The following DAB2IP variants were observed in gnomAD, a reference collection of about 807,000 sequenced individuals.
DAB2IP encodes the protein disabled homolog 2-interacting protein.
DAB2IP carries 28 observed loss-of-function variants against 107.2 expected under a neutral mutation model. That is an observed-to-expected ratio of 0.26 (90% CI 0.19 to 0.36). The LOEUF (loss-of-function observed/expected upper bound fraction) is 0.36. Among genes scored for constraint, DAB2IP ranks in the 10% least tolerant of loss-of-function variants. The pLI, the probability that DAB2IP is intolerant of heterozygous loss-of-function variation, is 1.00. For synonymous variants in DAB2IP, 755 were observed against 706.4 expected, an observed-to-expected ratio of 1.07 and a Z score of -1.09; for missense variants, 1,400 against 1,644.7, an observed-to-expected ratio of 0.85 and a Z score of 2.57.
chr9:121,754,467 A>G (rs1028028125), intron 3 of DAB2IP, among the ~76,000 whole-genome samples: 2 of 152,078 alleles, frequency 1.3e-5, no homozygotes, highest in African/African-American at 4.8e-5. Flanking sequence ...TCTTCCTCCC[A>G]GAGAGCTTGG....
At chr9:121,641,995 T>TTCTCTCTCTCTCTCTCTCTCTCTC (rs71370683) in intron 1 of DAB2IP, among the ~76,000 whole-genome samples, 4 of 35,010 alleles carry the variant, frequency 1.1e-4, no homozygotes, top group East Asian at 9.3e-4. Context: ...TTTCTTTCCT[T>TTCTCTCTCTCTCTCTCTCTCTCTC]TCTCTCTCTC....
intron 1 of DAB2IP, among the ~76,000 whole-genome samples, chr9:121,661,441 G>A (rs553284091): frequency 1.6e-4 from 24 of 152,232 alleles, no homozygotes; most frequent in Non-Finnish European, 2.9e-4. Context: ...CCCATCAGGA[G>A]CAGCCTCTGA....
intron 1 of DAB2IP, among the ~76,000 whole-genome samples, chr9:121,642,221 C>A (rs1832380303): frequency 6.6e-6 from 1 of 151,342 alleles, no homozygotes; most frequent in Non-Finnish European, 1.5e-5. Flanking sequence ...GCTGGGACTA[C>A]AGGCACACAC....
intron 1 of DAB2IP, among the ~76,000 whole-genome samples, chr9:121,674,666 TG>T (rs1367966337): frequency 6.6e-6 from 1 of 152,174 alleles, no homozygotes; most frequent in African/African-American, 2.4e-5. Flanking sequence ...CTTCATCATC[TG>T]TCGAATGGGA....
intron 1 of DAB2IP, among the ~76,000 whole-genome samples, chr9:121,619,800 A>G (rs574564686): frequency 1.3e-5 from 2 of 152,324 alleles, no homozygotes; most frequent in East Asian, 3.9e-4. Context: ...TGCCGTTTCT[A>G]TTAATAGCTT....
In DAB2IP at chr9:121,651,896, A is replaced by T. The variant is rs1025453988; in HGVS notation, c.121A>T (p.Arg41Trp). 7.1e-7 allele frequency: 1 copy of T among 1,401,970 alleles called. No homozygotes were observed. The highest frequency in any genetic ancestry group is 9.3e-7 in the Non-Finnish European group (1 of 1,071,156). 86.8% of individuals were successfully genotyped at this position (1,401,970 alleles called of 1,614,324 possible). Reference sequence around the variant, plus strand: ...CTCCCGCAGCCGGACCCGGCCTGCCAGGGGTAGGCGCCACCCCGACCCCTG... The same window carrying T: ...CTCCCGCAGCCGGACCCGGCCTGCCTGGGGTAGGCGCCACCCCGACCCCTG... The change falls in exon 1 of 16, where the codon AGG becomes TGG. Residue 41 changes from arginine to tryptophan, a missense_variant. By Grantham distance (101) the Arg-to-Trp change is moderately radical. This residue lies in a region of DAB2IP where 283 missense variants were observed against 237.0 expected (regional missense o/e 1.19). Transcript: ENST00000408936. This position sits in a 1 kb window ranked among gnomAD's most constrained non-coding sequence, Gnocchi z 5.1.
chr9:121,691,589 T>C (rs1829165196), intron 2 of DAB2IP, among the ~76,000 whole-genome samples: 1 of 152,040 alleles, frequency 6.6e-6, no homozygotes, highest in Admixed American at 6.5e-5. Context: ...GTATTTATTG[T>C]ATGCAGGGAA....
chr9:121,743,872 C>G (rs913203598), intron 3 of DAB2IP, among the ~76,000 whole-genome samples: 2 of 152,148 alleles, frequency 1.3e-5, no homozygotes, highest in African/African-American at 2.4e-5. Context: ...TCCGGAGCAC[C>G]CTGCCCCTCT....
intron 3 of DAB2IP, among the ~76,000 whole-genome samples, chr9:121,720,296 C>T (rs1054136124): frequency 6.6e-6 from 1 of 152,192 alleles, no homozygotes; most frequent in African/African-American, 2.4e-5. Flanking sequence ...CTCTCTGGGC[C>T]TCTGGCACCT....
Position 121,627,966 on chromosome 9 carries a change from A to G in DAB2IP, c.41-50712A>G, listed in dbSNP as rs971725833. ...CCTCCGTGGGGGTTCTGCTTCAGGG[A>G]ACATCCTTTGTGGGTCTCGTCAGGC... On this transcript the variant is annotated intron_variant, in intron 1 of 16. Transcript: ENST00000259371. Among the ~76,000 whole-genome samples, 9 of 152,238 alleles carry G rather than the reference A, an allele frequency of 5.9e-5. 1 individual carries two copies.
intron 1 of DAB2IP, among the ~76,000 whole-genome samples, chr9:121,642,254 T>C (rs1437653329): frequency 2.0e-5 from 3 of 151,040 alleles, no homozygotes; most frequent in Non-Finnish European, 2.9e-5. Flanking sequence ...CTAATTATTA[T>C]TATTGAGACT....
chr9:121,656,382 G>A (rs909172135), intron 1 of DAB2IP, among the ~76,000 whole-genome samples: 1 of 152,194 alleles, frequency 6.6e-6, no homozygotes, highest in Non-Finnish European at 1.5e-5. Context: ...GGGCGAGCCT[G>A]AGAACAGCCC....
chr9:121,646,497 C>G (rs564434094), intron 1 of DAB2IP, among the ~76,000 whole-genome samples: 13 of 143,268 alleles, frequency 9.1e-5, no homozygotes, highest in Non-Finnish European at 1.2e-4. Flanking sequence ...CCACCCCCCC[C>G]ACCCCGACCC....
chr9:121,734,814 G>C (rs2118868255), intron 3 of DAB2IP, among the ~76,000 whole-genome samples: 1 of 152,340 alleles, frequency 6.6e-6, no homozygotes, highest in South Asian at 2.1e-4. Flanking sequence ...GGGTCAACTT[G>C]AGCAAATGAC....
intron 1 of DAB2IP, among the ~76,000 whole-genome samples, chr9:121,585,310 A>G (rs943774368): frequency 6.6e-6 from 1 of 152,128 alleles, no homozygotes; most frequent in Non-Finnish European, 1.5e-5. Context: ...GGAAGGTTCA[A>G]ATCCCAGCTC....
intron 3 of DAB2IP, among the ~76,000 whole-genome samples, chr9:121,755,348 G>C (rs1038524335): frequency 2.6e-5 from 4 of 152,252 alleles, no homozygotes; most frequent in Admixed American, 6.5e-5. Context: ...TTGTCCATGG[G>C]CTTAGGCCAC....
intron 8 of DAB2IP, among the ~76,000 whole-genome samples, chr9:121,765,567 A>G (rs990900551): frequency 2.0e-5 from 3 of 152,172 alleles, no homozygotes; most frequent in African/African-American, 7.2e-5. Context: ...TGAGCTTGGC[A>G]GGGCAGGCCT....
intron 3 of DAB2IP, chr9:121,742,715 T>C (rs1210314428): frequency 2.0e-6 from 2 of 985,638 alleles, no homozygotes; most frequent in Non-Finnish European, 2.4e-6. Context: ...CTTGGTTCCC[T>C]GCACCTGCCT....
At chr9:121,700,548 G>C (rs1440044137) in intron 3 of DAB2IP, among the ~76,000 whole-genome samples, 1 of 152,182 alleles carries the variant, frequency 6.6e-6, no homozygotes, top group Non-Finnish European at 1.5e-5. Context: ...GGCTGTGTCC[G>C]TGTTGGCACT....
Sources: allele counts gnomAD v4.1 joint callset (sites outside exome capture counted in the v4.1 genomes callset), GRCh38; gene constraint gnomAD v4.1.1; regional missense constraint gnomAD v4.1.1; non-coding constraint Gnocchi (gnomAD v3.1); transcripts MANE v1.5; gene names NCBI Gene and HGNC (gene_info 2026-07-23, HGNC 2026-07-21).